Variants in TES observed in about 807,000 individuals in gnomAD.
The protein encoded by TES is testin LIM domain protein, also known as testin.
TES carries 41 observed loss-of-function variants against 48.2 expected under a neutral mutation model. That is an observed-to-expected ratio of 0.85 (90% CI 0.66 to 1.10). The LOEUF (loss-of-function observed/expected upper bound fraction) is 1.10, where lower values mean the gene tolerates loss of function less well. Ranked by LOEUF, TES falls within the 50% of genes least tolerant of loss-of-function variation. TES has a pLI of 0.00. For missense variants in TES, 463 were observed against 515.1 expected (o/e 0.90, Z 0.98); for synonymous variants, 162 against 174.9 (o/e 0.93, Z 0.58).
intron 1 of TES, among the ~76,000 whole-genome samples, chr7:116,229,204 C>T (rs371920220): frequency 6.6e-6 from 1 of 151,778 alleles, no homozygotes; most frequent in Non-Finnish European, 1.5e-5. Flanking sequence ...CACTCTCTCT[C>T]GCACCCTGGG....
At chr7:116,242,524 T>G (rs1172443804) in intron 2 of TES, among the ~76,000 whole-genome samples, 1 of 124,316 alleles carries the variant, frequency 8.0e-6, no homozygotes, top group East Asian at 2.9e-4. Flanking sequence ...TCTCTCTCTC[T>G]CTCTCTCTCT....
rs368362629 is a variant in TES at position 116,250,509 on chromosome 7, G to A, written c.702+13G>A. The stretch of plus-strand genomic sequence containing the variant: ...AAGAACTCAATATGTAAGTAGAGTG[G>A]TCACACTGTTAGCCTGATTTGTATA... On this transcript the variant is annotated intron_variant, in intron 4 of 6. Transcript: ENST00000358204. 7.3e-6 allele frequency: 11 copies of A among 1,498,710 alleles called. No homozygotes were observed. The highest frequency in any genetic ancestry group is 9.8e-6 in the Non-Finnish European group (11 of 1,124,822). 92.8% of individuals were successfully genotyped at this position (1,498,710 alleles called of 1,614,324 possible). A position where few individuals can be genotyped will look rare whatever the true frequency, so the allele number is the denominator to read the frequency against.
chr7:116,229,238 A>G (rs976674725), intron 1 of TES, among the ~76,000 whole-genome samples: 5 of 151,722 alleles, frequency 3.3e-5, no homozygotes, highest in South Asian at 2.1e-4. Flanking sequence ...CACCTTCCCT[A>G]TTTATATCCC....
At chr7:116,216,981 C>T (rs1242454991) in intron 1 of TES, among the ~76,000 whole-genome samples, 3 of 151,936 alleles carry the variant, frequency 2.0e-5, no homozygotes, top group East Asian at 3.8e-4. Context: ...TGCTTTTTTA[C>T]GTACCATGCA....
At chr7:116,237,114 A>G (rs1416914871) in intron 2 of TES, among the ~76,000 whole-genome samples, 1 of 152,118 alleles carries the variant, frequency 6.6e-6, no homozygotes, top group Non-Finnish European at 1.5e-5. Flanking sequence ...AGTTGTCCTG[A>G]GTGTAACAAA....
intron 6 of TES, among the ~76,000 whole-genome samples, chr7:116,256,268 A>C (rs1800097264): frequency 6.6e-6 from 1 of 152,036 alleles, no homozygotes; most frequent in Non-Finnish European, 1.5e-5. Flanking sequence ...CTTTTCAAGT[A>C]AGGAGGCTCA....
intron 2 of TES, among the ~76,000 whole-genome samples, chr7:116,245,051 A>G (rs975159237): frequency 6.6e-6 from 1 of 152,048 alleles, no homozygotes; most frequent in Non-Finnish European, 1.5e-5. Flanking sequence ...TTTCCCTCCT[A>G]GGCCTCCAGG....
chr7:116,235,350 A>AAT (rs1426068594), intron 2 of TES, among the ~76,000 whole-genome samples: 1 of 152,244 alleles, frequency 6.6e-6, no homozygotes, highest in East Asian at 1.9e-4. Context: ...TCAAGCATGT[A>AAT]TATGTTAGTT....
At position 116,250,303 on chromosome 7, in the gene TES, G is replaced by C. The variant is rs867567624; in HGVS notation, c.509G>C (p.Arg170Thr). The C allele has an allele frequency of 7.4e-6, 12 of 1,613,926 alleles. No homozygotes were observed. The Middle Eastern group carries it at 1.8e-3, about 244-fold the overall frequency. Residue 170 changes from arginine (R) to threonine (T), a missense_variant, in exon 4 of 7, where the codon AGA (arginine) becomes ACA (threonine). Transcript: ENST00000358204. ...DPSKCHELSPREVKEMEQFVK... is the reference protein window; with the variant it reads ...DPSKCHELSPTEVKEMEQFVK... Reference sequence around the variant, plus strand: ...TCAAAGTGCCATGAGTTGTCTCCCAGAGAGGTGAAGGAGATGGAGCAGTTT... The same window carrying C: ...TCAAAGTGCCATGAGTTGTCTCCCACAGAGGTGAAGGAGATGGAGCAGTTT...
Position 116,244,255 on chromosome 7 carries a change from C to T in TES, c.114-4765C>T, listed in dbSNP as rs145779860. Among the ~76,000 whole-genome samples, 68 of 152,288 alleles carry T rather than the reference C, an allele frequency of 4.5e-4. 1 individual carries two copies. The East Asian group carries it at 0.012, about 26-fold the overall frequency. ...ACTCAAAAGTCCAAGTCCAAAGTCT[C>T]ATCTGAGACCAGGCAAGTCCCTTCT... is the stretch of plus-strand genomic sequence containing the variant. On this transcript the variant is annotated intron_variant, in intron 2 of 6. Transcript: ENST00000358204.
intron 1 of TES, among the ~76,000 whole-genome samples, chr7:116,218,722 ATGAG>A (rs2116573813): frequency 6.6e-6 from 1 of 152,254 alleles, no homozygotes; most frequent in Admixed American, 6.5e-5. Context: ...AGGAAGGAAG[ATGAG>A]TGAGCAAAAC....
chr7:116,234,732 T>G (rs758334696), intron 2 of TES, 113 bp downstream of exon 2: 2 of 802,804 alleles, frequency 2.5e-6, no homozygotes, highest in Non-Finnish European at 4.2e-6. Context: ...TGCAGACCTG[T>G]TACTGTCTTT....
chr7:116,225,856 G>A (rs1799615151), intron 1 of TES, among the ~76,000 whole-genome samples: 1 of 152,034 alleles, frequency 6.6e-6, no homozygotes, highest in South Asian at 2.1e-4. Flanking sequence ...TCTTTATCAG[G>A]GCGTTCCATT....
At chr7:116,248,930 GC>G (rs1584627306) in intron 2 of TES, 89 bp from the exon 3 acceptor site, 1 of 1,322,634 alleles carries the variant, frequency 7.6e-7, no homozygotes, top group Non-Finnish European at 1.0e-6. Context: ...TATAGAATAG[GC>G]CTAAAAGTAT....
intron 1 of TES, among the ~76,000 whole-genome samples, chr7:116,224,059 G>A (rs1799590446): frequency 6.6e-6 from 1 of 152,174 alleles, no homozygotes. Context: ...CTATCTTGTG[G>A]TTCTCTTGCT....
At chr7:116,254,714 G>T (rs1266889852) in intron 6 of TES, among the ~76,000 whole-genome samples, 1 of 149,396 alleles carries the variant, frequency 6.7e-6, no homozygotes, top group Non-Finnish European at 1.5e-5. Flanking sequence ...CCAAGCCCAG[G>T]TGATTGATAG....
rs143184907 is a variant in TES, at chr7:116,251,805, A to G, written c.748A>G (p.Ile250Val). The G allele has an allele frequency of 1.5e-5, 24 of 1,614,122 alleles. No individual in the cohort carries two copies. The African/African-American group carries it at 2.8e-4, about 19-fold the overall frequency. ...GAGTATGAAAGAAGGTGACCCAGCC[A>G]TCTATGCCGAAAGGGCTGGCTATGA... ...KLSMKEGDPAIYAERAGYDKL... is the reference protein window; with the variant it reads ...KLSMKEGDPAVYAERAGYDKL... Residue 250 changes from isoleucine to valine, a missense_variant, in exon 5 of 7, where the codon ATC (isoleucine) becomes GTC (valine). Physicochemically the swap from Ile to Val is conservative, Grantham distance 29. Transcript: ENST00000358204.
chr7:116,252,196 G>A, intron 5 of TES, 122 bp from the exon 6 acceptor site: 4 of 1,140,592 alleles, frequency 3.5e-6, no homozygotes, highest in Non-Finnish European at 4.9e-6. Flanking sequence ...TAAACTAAGT[G>A]ATAGCATAAG....
intron 1 of TES, chr7:116,211,226 G>C (rs1006855562): frequency 6.5e-6 from 1 of 153,248 alleles, no homozygotes; most frequent in African/African-American, 2.4e-5. Flanking sequence ...TCTAAAATGA[G>C]TGTTGATTTA....
Sources: allele counts gnomAD v4.1 joint callset (sites outside exome capture counted in the v4.1 genomes callset), GRCh38; gene constraint gnomAD v4.1.1; transcripts MANE v1.5; gene names NCBI Gene and HGNC (gene_info 2026-07-23, HGNC 2026-07-21).